Variants in MTTP observed in about 807,000 individuals in gnomAD.
The protein encoded by MTTP is microsomal triglyceride transfer protein, also known as microsomal triglyceride transfer protein large subunit.
Under a neutral mutation model 90.6 loss-of-function variants are expected in MTTP, and 49 were observed. The ratio of observed to expected loss-of-function variants is 0.54; its 90% CI spans 0.43 to 0.69. MTTP has a LOEUF of 0.69. Ranked by LOEUF, MTTP falls within the 30% of genes least tolerant of loss-of-function variation. MTTP has a pLI of 0.00. For synonymous variants in MTTP, 347 were observed against 384.2 expected, an observed-to-expected ratio of 0.90 and a Z score of 1.13; for missense variants, 945 against 1,067.5, an observed-to-expected ratio of 0.89 and a Z score of 1.60.
chr4:99,600,270 T>C (rs1455729581), intron 8 of MTTP, among the ~76,000 whole-genome samples: 1 of 152,154 alleles, frequency 6.6e-6, no homozygotes, highest in Admixed American at 6.6e-5. Context: ...ATTTATATAA[T>C]TTTTACTTAC....
rs202122460 is a variant in MTTP at position 99,600,571 on chromosome 4, G to C, written c.1074G>C (p.Gln358His). Residue 358 changes from glutamine to histidine, a missense_variant, in exon 9 of 18, where the codon CAG becomes CAC. Physicochemically the swap from Gln to His is conservative, Grantham distance 24. Transcript: ENST00000265517. ...ATTATGCCTTTTTTTATAGACCTCA[G>C]CTGGTGGATGCTGTCACCTCTGCTC... Reference protein sequence around the residue: ...LKMENKEVLPQLVDAVTSAQT... With the variant: ...LKMENKEVLPHLVDAVTSAQT... 2 of 1,613,508 alleles carry C rather than the reference G, an allele frequency of 1.2e-6. No individual in the cohort carries two copies. Among genetic ancestry groups the C allele is most frequent in the East Asian group, 4.5e-5 (2 of 44,836 alleles).
At chr4:99,619,245 TC>T in intron 16 of MTTP, 147 bp downstream of exon 16, 1 of 812,110 alleles carries the variant, frequency 1.2e-6, no homozygotes, top group South Asian at 1.6e-5. Context: ...TTGGAAGTGA[TC>T]ATAGGAAATT....
At position 99,606,890 on chromosome 4, in the gene MTTP, G is replaced by A. The variant is rs764711762; in HGVS notation, c.1487G>A (p.Gly496Glu). 2 of 1,613,952 alleles carry A rather than the reference G, an allele frequency of 1.2e-6. No individual in the cohort carries two copies. Among genetic ancestry groups the A allele is most frequent in the Non-Finnish European group, 8.5e-7 (1 of 1,179,962 alleles). Residue 496 changes from glycine to glutamate, a missense_variant, in exon 11 of 18, where the codon GGA (glycine) becomes GAA (glutamate). Gly to Glu is a moderately conservative substitution (Grantham distance 98). Transcript: ENST00000265517. ...AGTCTTCTGAAGTATGCAGAAGCAGGAGAAGGGCCCATCAGCCACCTGGCT... is the reference window on the plus strand; with the variant it reads ...AGTCTTCTGAAGTATGCAGAAGCAGAAGAAGGGCCCATCAGCCACCTGGCT... ...IPSLLKYAEAGEGPISHLATT... is the reference protein window; with the variant it reads ...IPSLLKYAEAEEGPISHLATT...
chr4:99,622,757 G>A lies in MTTP; in HGVS notation c.2594G>A (p.Gly865Glu). Reference protein sequence around the residue: ...SQKRKESVLAGCEFPLHQENS... With the variant: ...SQKRKESVLAECEFPLHQENS... ...AAAAGAAAAGAAAGCGTATTAGCAGGATGTGAATTCCCGCTCCATCAAGAG... is the reference window on the plus strand; with the variant it reads ...AAAAGAAAAGAAAGCGTATTAGCAGAATGTGAATTCCCGCTCCATCAAGAG... The change falls in exon 18 of 18, where the codon GGA (glycine) becomes GAA (glutamate). Residue 865 changes from glycine (G) to glutamate (E), a missense_variant. By Grantham distance (98) the Gly-to-Glu change is moderately conservative. Coordinates refer to ENST00000265517, the MANE Select transcript of MTTP (RefSeq NM_001386140.1). 6.2e-7 allele frequency: 1 copy of A among 1,614,098 alleles called. No homozygotes were observed. The highest frequency in any genetic ancestry group is 8.5e-7 in the Non-Finnish European group (1 of 1,179,970).
chr4:99,615,992 C>G (rs937591539), intron 15 of MTTP, among the ~76,000 whole-genome samples: 10 of 152,312 alleles, frequency 6.6e-5, no homozygotes, highest in African/African-American at 2.4e-4. Context: ...TATGCTCTCT[C>G]TCTCTTTTTT....
intron 1 of MTTP, among the ~76,000 whole-genome samples, chr4:99,581,430 C>T (rs1487504445): frequency 6.6e-6 from 1 of 152,130 alleles, no homozygotes; most frequent in Non-Finnish European, 1.5e-5. Flanking sequence ...AGAGATGTTT[C>T]TTAAATATCA....
In MTTP at chr4:99,597,150, C is replaced by G; in HGVS notation, c.993C>G (p.Ala331=). The change falls in exon 8 of 18, where the codon GCC becomes GCG. Residue 331 remains alanine, a synonymous_variant. Transcript: ENST00000265517. ...CTGAGGCTGTCAGAAACTTCCTGGCCTTCATTCAGCACCTCAGGACTGCGA... is the reference window on the plus strand; with the variant it reads ...CTGAGGCTGTCAGAAACTTCCTGGCGTTCATTCAGCACCTCAGGACTGCGA... ...SKAEAVRNFL[A]FIQHLRTAKK... 6.2e-7 allele frequency: 1 copy of G among 1,614,016 alleles called. No individual in the cohort carries two copies. Among genetic ancestry groups the G allele is most frequent in the Non-Finnish European group, 8.5e-7 (1 of 1,179,936 alleles).
intron 4 of MTTP, among the ~76,000 whole-genome samples, 193 bp downstream of exon 4, chr4:99,589,943 G>T (rs1268198012): frequency 6.6e-6 from 1 of 152,146 alleles, no homozygotes; most frequent in Non-Finnish European, 1.5e-5. Context: ...AGGTAGAGAG[G>T]ATTAGAAATA....
At chr4:99,581,536 A>T (rs1725113739) in intron 1 of MTTP, among the ~76,000 whole-genome samples, 1 of 152,196 alleles carries the variant, frequency 6.6e-6, no homozygotes, top group Non-Finnish European at 1.5e-5. Context: ...CGAATGGCTC[A>T]TATTAAATTT....
In MTTP at chr4:99,597,173, C is replaced by A. The variant is rs137956833; in HGVS notation, c.1016C>A (p.Ala339Glu). 443 of 1,613,628 alleles carry A rather than the reference C, an allele frequency of 2.7e-4. No individual in the cohort carries two copies. The highest frequency in any genetic ancestry group is 3.6e-4 in the Non-Finnish European group (427 of 1,179,870). The change falls in exon 8 of 18, where the codon GCG becomes GAG. Residue 339 changes from alanine to glutamate, a missense_variant. Ala to Glu is a moderately radical substitution (Grantham distance 107). Transcript: ENST00000265517. The stretch of plus-strand genomic sequence containing the variant: ...GCCTTCATTCAGCACCTCAGGACTG[C>A]GAAGAAAGAAGAGATCCTTCAAATA... ...FLAFIQHLRT[A>E]KKEEILQILK...
chr4:99,592,134 T>G (rs1390678086), intron 6 of MTTP, among the ~76,000 whole-genome samples: 1 of 152,100 alleles, frequency 6.6e-6, no homozygotes, highest in Non-Finnish European at 1.5e-5. Context: ...ATAGAAAAAG[T>G]CAGCAGAAAA....
intron 5 of MTTP, 124 bp downstream of exon 5, chr4:99,591,475 T>A: frequency 1.8e-6 from 2 of 1,127,352 alleles, no homozygotes; most frequent in Non-Finnish European, 2.6e-6. Flanking sequence ...TAGTTTAGGC[T>A]ACAAATTCAC....
intron 12 of MTTP, among the ~76,000 whole-genome samples, chr4:99,609,647 CCA>C (rs1215213875): frequency 1.3e-5 from 2 of 151,404 alleles, no homozygotes; most frequent in Non-Finnish European, 2.9e-5. Flanking sequence ...TAAGCATTCA[CCA>C]CAGAGATTGG....
At chr4:99,581,815 G>C (rs2110211691) in intron 1 of MTTP, 90 bp from the exon 2 acceptor site, 1 of 1,314,604 alleles carries the variant, frequency 7.6e-7, no homozygotes, top group Non-Finnish European at 1.1e-6. Context: ...CAAGCTTCCT[G>C]AGCCCCACTG....
intron 10 of MTTP, among the ~76,000 whole-genome samples, chr4:99,603,682 G>C (rs1194154905): frequency 6.6e-6 from 1 of 152,090 alleles, no homozygotes; most frequent in Non-Finnish European, 1.5e-5. Context: ...TGGGAGGAGA[G>C]TAGAGCTATT....
chr4:99,580,837 C>T (rs1578233775), intron 1 of MTTP, among the ~76,000 whole-genome samples: 1 of 152,244 alleles, frequency 6.6e-6, no homozygotes, highest in East Asian at 1.9e-4. Context: ...CAGATTGTTA[C>T]TGTGTAGGTG....
At chr4:99,587,264 A>G (rs993194389) in intron 3 of MTTP, among the ~76,000 whole-genome samples, 1 of 152,198 alleles carries the variant, frequency 6.6e-6, no homozygotes, top group African/African-American at 2.4e-5. Flanking sequence ...TACACTAAAG[A>G]AACAGAATTT....
intron 12 of MTTP, among the ~76,000 whole-genome samples, chr4:99,610,534 AT>A (rs1228191758): frequency 6.6e-6 from 1 of 152,180 alleles, no homozygotes; most frequent in Non-Finnish European, 1.5e-5. Flanking sequence ...TACTGATATG[AT>A]TAATGTTATG....
At chr4:99,572,222 T>C (rs1413720252), upstream of MTTP, among the ~76,000 whole-genome samples, 1 of 151,996 alleles carries the variant, frequency 6.6e-6, no homozygotes, top group African/African-American at 2.4e-5. Context: ...GGAATTTCAT[T>C]GCAATAGCAT....
Sources: allele counts gnomAD v4.1 joint callset (sites outside exome capture counted in the v4.1 genomes callset), GRCh38; gene constraint gnomAD v4.1.1; transcripts MANE v1.5; gene names NCBI Gene and HGNC (gene_info 2026-07-23, HGNC 2026-07-21).